DYRK4: variants seen among roughly 807,000 people sequenced by gnomAD.
The protein encoded by DYRK4 is dual specificity tyrosine phosphorylation regulated kinase 4.
In DYRK4, 64 loss-of-function variants were observed where a neutral mutation model predicts 68.3. The observed-to-expected ratio is 0.94, with a 90% CI of 0.77 to 1.15. The LOEUF is 1.15. DYRK4 is among the 50% of genes most tolerant of loss of function. The probability of loss-of-function intolerance (pLI) is 0.00; values close to 1 mark genes in which losing one functional copy is unlikely to be tolerated. For synonymous variants in DYRK4, 274 were observed against 289.9 expected, an observed-to-expected ratio of 0.95 and a Z score of 0.56; for missense variants, 740 against 764.7, an observed-to-expected ratio of 0.97 and a Z score of 0.38.
intron 12 of DYRK4, among the ~76,000 whole-genome samples, chr12:4,608,920 C>T (rs552959795): frequency 2.6e-5 from 4 of 152,158 alleles, no homozygotes; most frequent in South Asian, 4.1e-4. Flanking sequence ...ACATGGAGCA[C>T]GCGAACTGGT....
At chr12:4,600,966 TA>T (rs1380446582) in intron 10 of DYRK4, among the ~76,000 whole-genome samples, 2 of 151,906 alleles carry the variant, frequency 1.3e-5, no homozygotes, top group Non-Finnish European at 2.9e-5. Flanking sequence ...GTCATCTCAT[TA>T]GAACAAAGAG....
Position 4,596,602 on chromosome 12 carries a change from G to A in DYRK4, c.778G>A (p.Ala260Thr). The A allele has an allele frequency of 6.2e-7, 1 of 1,613,992 alleles. No homozygotes were observed. The highest frequency in any genetic ancestry group is 8.5e-7 in the Non-Finnish European group (1 of 1,179,996). The change falls in exon 8 of 15, where the codon GCC becomes ACC. Residue 260 changes from alanine (A) to threonine (T), a missense_variant. Ala to Thr is a moderately conservative substitution (Grantham distance 58). Transcript: ENST00000543431. ...IRNKKRFHQQ[A>T]LMELKILEAL... ...CAATCACCTTAGGTTTCACCAGCAG[G>A]CCCTGATGGAGCTGAAGATCCTGGA...
intron 2 of DYRK4, among the ~76,000 whole-genome samples, chr12:4,580,216 C>T (rs895903188): frequency 4.6e-5 from 7 of 152,306 alleles, no homozygotes; most frequent in African/African-American, 1.7e-4. Flanking sequence ...GGCAGGGCCT[C>T]CTCTTTCCAC....
chr12:4,613,622 C>T lies in DYRK4; in HGVS notation c.1774C>T (p.Gln592Ter). Residue 592 changes from glutamine to a stop codon, truncating the protein, a stop_gained, in exon 15 of 15, where the codon CAG (glutamine) becomes TAG (stop). Transcript: ENST00000543431. LOFTEE classifies it low-confidence loss of function (END_TRUNC). This position sits in a 1 kb window ranked among gnomAD's most constrained non-coding sequence, Gnocchi z 4.0. Reference protein sequence around the residue: ...DCLQHGADTVQLPQLVDAPKK... With the variant: ...DCLQHGADTV ...TCTCCAGCACGGAGCTGACACTGTT[C>T]AGCTGCCTCAACTGGTAGACGCTCC... is the stretch of plus-strand genomic sequence containing the variant. The T allele has an allele frequency of 6.2e-7, 1 of 1,614,128 alleles. No individual in the cohort carries two copies. The highest frequency in any genetic ancestry group is 1.1e-5 in the South Asian group (1 of 91,074).
At chr12:4,594,761 C>A (rs555881185) in intron 6 of DYRK4, among the ~76,000 whole-genome samples, 1 of 148,086 alleles carries the variant, frequency 6.8e-6, no homozygotes, top group African/African-American at 2.5e-5. Flanking sequence ...AATGTGTGTT[C>A]TCCGTAAGCT....
intron 2 of DYRK4, among the ~76,000 whole-genome samples, chr12:4,569,731 G>T (rs956679163): frequency 3.3e-5 from 5 of 152,000 alleles, no homozygotes; most frequent in Non-Finnish European, 5.9e-5. Context: ...AAACTGCTGG[G>T]ATTACAGGTG....
At chr12:4,563,464 G>A (rs940153218) in intron 1 of DYRK4, among the ~76,000 whole-genome samples, 2 of 152,246 alleles carry the variant, frequency 1.3e-5, no homozygotes, top group African/African-American at 4.8e-5. Context: ...CCCATCGTGA[G>A]TGTGTTGTGA....
At chr12:4,590,616 G>A in intron 4 of DYRK4, 176 bp downstream of exon 4, 1 of 1,311,744 alleles carries the variant, frequency 7.6e-7, no homozygotes, top group Non-Finnish European at 9.7e-7. Flanking sequence ...ATAAGTCCTT[G>A]ACCTTTTCTT....
chr12:4,601,933 CA>C (rs1945086334), intron 10 of DYRK4: 1 of 267,374 alleles, frequency 3.7e-6, no homozygotes, highest in Non-Finnish European at 7.1e-6. Context: ...GTTTGAATAC[CA>C]AAGTTGCATC....
intron 13 of DYRK4, 57 bp downstream of exon 13, chr12:4,610,341 C>T (rs1945205958): frequency 1.4e-6 from 2 of 1,444,360 alleles, no homozygotes; most frequent in Admixed American, 2.7e-5. Flanking sequence ...TGTACTTTGA[C>T]ACACGTTTGC....
chr12:4,613,513 A>C lies in DYRK4; in HGVS notation c.1667-2A>C, dbSNP rs767604149. On this transcript the variant is annotated splice_acceptor_variant, in intron 14 of 14. Transcript: ENST00000543431. LOFTEE classifies it high-confidence loss of function. This position sits in a 1 kb window ranked among gnomAD's most constrained non-coding sequence, Gnocchi z 4.0. ...CCTTCTGTCTTCTCTCTCCTTTAGCAGATGAGATCACCAAAGAGACTACAG... is the reference window on the plus strand; with the variant it reads ...CCTTCTGTCTTCTCTCTCCTTTAGCCGATGAGATCACCAAAGAGACTACAG... 20 of 1,609,880 alleles carry C rather than the reference A, an allele frequency of 1.2e-5. No individual in the cohort carries two copies. The South Asian group carries it at 2.0e-4, about 16-fold the overall frequency.
intron 8 of DYRK4, among the ~76,000 whole-genome samples, chr12:4,598,200 A>G (rs1430707263): frequency 6.6e-6 from 1 of 152,088 alleles, no homozygotes; most frequent in African/African-American, 2.4e-5. Context: ...ACAGAGCAAG[A>G]CCCCATCTCT....
chr12:4,565,465 A>G (rs1186547921), intron 1 of DYRK4, among the ~76,000 whole-genome samples: 1 of 152,202 alleles, frequency 6.6e-6, no homozygotes, highest in African/African-American at 2.4e-5. Flanking sequence ...CAGAGAGGAC[A>G]AATGGCTCAT....
In DYRK4 at chr12:4,610,154, G is replaced by T; in HGVS notation, c.1361-1G>T. 1 of 1,587,076 alleles carries T rather than the reference G, an allele frequency of 6.3e-7. No individual in the cohort carries two copies. On this transcript the variant is annotated splice_acceptor_variant, in intron 12 of 14. Coordinates refer to ENST00000543431, the MANE Select transcript of DYRK4 (RefSeq NM_001394779.1). LOFTEE classifies it high-confidence loss of function. ...AAATACAGAATGTTCTATCTCTACA[G>T]ATTCCAAAGGTTTTCCTAAAAATAT... is the stretch of plus-strand genomic sequence containing the variant.
intron 9 of DYRK4, 146 bp from the exon 10 acceptor site, chr12:4,599,561 T>C (rs1945058167): frequency 1.6e-6 from 1 of 618,174 alleles, no homozygotes; most frequent in African/African-American, 1.9e-5. Flanking sequence ...GAGCGGAGGA[T>C]GATGGGATTT....
intron 2 of DYRK4, among the ~76,000 whole-genome samples, chr12:4,571,845 C>G (rs913168144): frequency 2.0e-5 from 3 of 152,286 alleles, no homozygotes; most frequent in Admixed American, 1.3e-4. Context: ...CAGTGCTGCT[C>G]TAGAATGGAC....
chr12:4,587,261 T>G lies in DYRK4; in HGVS notation c.133-1676T>G, dbSNP rs74060051. ...AGCCCTGGAGCGTGCCTGGGTGGTG[T>G]TGTTTCACTGAGCAAGCATGCTCTC... On this transcript the variant is annotated intron_variant, in intron 2 of 14. Coordinates refer to ENST00000543431, the MANE Select transcript of DYRK4 (RefSeq NM_001394779.1). Among the ~76,000 whole-genome samples the G allele has an allele frequency of 9.5e-3, 1,444 of 152,160 alleles. 31 individuals carry two copies. The highest frequency in any genetic ancestry group is 0.033 in the African/African-American group (1,360 of 41,492).
Position 4,591,743 on chromosome 12 carries a change from A to T in DYRK4, c.463+445A>T. 1 of 155,818 alleles carries T rather than the reference A, an allele frequency of 6.4e-6. No homozygotes were observed. The highest frequency in any genetic ancestry group is 1.4e-5 in the Non-Finnish European group (1 of 70,418). The allele number at this position is 155,818 out of a possible 1,614,324, so 9.7% of individuals were successfully genotyped here. Reference sequence around the variant, plus strand: ...GGAGGTGTTGGAGAGGAGCCTCTGTAGGGGGATCTTGATTAGAAATGCAGA... The same window carrying T: ...GGAGGTGTTGGAGAGGAGCCTCTGTTGGGGGATCTTGATTAGAAATGCAGA... On this transcript the variant is annotated intron_variant, in intron 5 of 14. Coordinates refer to ENST00000543431, the MANE Select transcript of DYRK4 (RefSeq NM_001394779.1). The surrounding 1 kb of genome is among the most constrained non-coding windows in gnomAD (Gnocchi z 4.1).
chr12:4,599,291 T>TTTA, intron 9 of DYRK4, 125 bp downstream of exon 9: 1 of 1,008,848 alleles, frequency 9.9e-7, no homozygotes, highest in South Asian at 1.7e-5. Flanking sequence ...TTTTTTTTTT[T>TTTA]TGGTGCTCTA....
Sources: gnomAD v4.1 joint callset for allele counts (sites outside exome capture counted in the v4.1 genomes callset) on GRCh38, gnomAD v4.1.1 for gene constraint, Gnocchi (gnomAD v3.1) non-coding constraint, MANE v1.5 for transcripts, NCBI Gene and HGNC (gene_info 2026-07-23, HGNC 2026-07-21) for gene names.